HYDIN: variants seen among roughly 807,000 people sequenced by gnomAD.
HYDIN encodes axonemal central pair apparatus protein HYDIN.
HYDIN carries 132 observed loss-of-function variants against 403.9 expected under a neutral mutation model. That is an observed-to-expected ratio of 0.33 (90% CI 0.28 to 0.38). The LOEUF (loss-of-function observed/expected upper bound fraction) is 0.38, where lower values mean the gene tolerates loss of function less well. Ranked by LOEUF, HYDIN falls within the 10% of genes least tolerant of loss-of-function variation. The pLI is 1.00. For missense variants in HYDIN, 2,827 were observed against 5,009.5 expected, an observed-to-expected ratio of 0.56 and a Z score of 13.15; for synonymous variants, 1,202 against 1,891.7, an observed-to-expected ratio of 0.64 and a Z score of 9.46.
At chr16:70,950,759 AC>A (rs1200905217) in intron 41 of HYDIN, among the ~76,000 whole-genome samples, 1 of 151,594 alleles carries the variant, frequency 6.6e-6, no homozygotes, top group African/African-American at 2.4e-5. Flanking sequence ...TCCACCCTTA[AC>A]CCTTCCTGTT....
At chr16:71,176,209 G>A (rs904124875) in intron 4 of HYDIN, among the ~76,000 whole-genome samples, 7 of 150,242 alleles carry the variant, frequency 4.7e-5, no homozygotes, top group Admixed American at 2.0e-4. Context: ...GGAGGCTGAG[G>A]CAGGAGAATC....
At chr16:70,898,702 G>C (rs1238172715) in intron 53 of HYDIN, among the ~76,000 whole-genome samples, 2 of 152,182 alleles carry the variant, frequency 1.3e-5, no homozygotes, top group Non-Finnish European at 2.9e-5. Context: ...AGCATTCAAA[G>C]AGAAGCTGGG....
intron 38 of HYDIN, among the ~76,000 whole-genome samples, chr16:70,961,596 C>T (rs985608522): frequency 2.0e-5 from 3 of 152,180 alleles, no homozygotes; most frequent in African/African-American, 7.2e-5. Flanking sequence ...GAGAAGAGCT[C>T]CCTAATGGCC....
chr16:70,825,106 T>C (rs550608797), intron 83 of HYDIN, among the ~76,000 whole-genome samples: 2 of 152,304 alleles, frequency 1.3e-5, no homozygotes, highest in South Asian at 4.1e-4. Context: ...TTTGCTGTCA[T>C]AAGAGTTTTG....
At chr16:70,976,669 T>C (rs1008758431) in intron 30 of HYDIN, among the ~76,000 whole-genome samples, 7 of 152,048 alleles carry the variant, frequency 4.6e-5, no homozygotes, top group East Asian at 1.9e-4. Flanking sequence ...CCTGTAAATA[T>C]ATTATTTCAA....
chr16:71,201,869 G>A (rs1460595369), intron 1 of HYDIN, among the ~76,000 whole-genome samples: 4 of 152,212 alleles, frequency 2.6e-5, no homozygotes. Flanking sequence ...TCTTGACAAA[G>A]TGAATTCCTT....
chr16:71,058,422 A>C (rs1309134338), intron 18 of HYDIN, among the ~76,000 whole-genome samples: 2 of 116,234 alleles, frequency 1.7e-5, no homozygotes, highest in African/African-American at 6.4e-5. Flanking sequence ...GAAGGGGAAC[A>C]TCACACTCTG....
intron 47 of HYDIN, among the ~76,000 whole-genome samples, chr16:70,912,965 T>A (rs2076735479): frequency 6.6e-6 from 1 of 151,126 alleles, no homozygotes; most frequent in Admixed American, 6.6e-5. Context: ...TTCTGTGGTG[T>A]CAGTTGTAAT....
In HYDIN at chr16:71,075,561, A is replaced by G. The variant is rs574714234; in HGVS notation, c.1738+4324T>C. Among the ~76,000 whole-genome samples the G allele has an allele frequency of 3.9e-5, 6 of 152,272 alleles. No individual in the cohort carries two copies. The East Asian group carries it at 1.2e-3, about 29-fold the overall frequency. On this transcript the variant is annotated intron_variant, in intron 13 of 85. Transcript: ENST00000393567. The stretch of plus-strand genomic sequence containing the variant: ...ATCAATGTCATTGTTTTGAGGATGA[A>G]TAAGAGCCTTTAAATTGACACACAG...
chr16:70,940,106 CCACT>C (rs1006259836), intron 43 of HYDIN, among the ~76,000 whole-genome samples: 28 of 149,956 alleles, frequency 1.9e-4, no homozygotes, highest in African/African-American at 5.9e-4. Flanking sequence ...CATATACCAC[CCACT>C]GACTTGACTC....
intron 83 of HYDIN, among the ~76,000 whole-genome samples, chr16:70,825,056 G>A (rs1416519195): frequency 6.6e-6 from 1 of 151,784 alleles, no homozygotes; most frequent in Non-Finnish European, 1.5e-5. Flanking sequence ...CACTGTGCCT[G>A]GCCCTGGGTC....
chr16:71,068,996 G>T (rs1478327818), intron 14 of HYDIN, among the ~76,000 whole-genome samples: 2 of 151,594 alleles, frequency 1.3e-5, no homozygotes, highest in Non-Finnish European at 2.9e-5. Context: ...TGTCTGGATA[G>T]CAGTGGCTTC....
At chr16:70,931,729 A>C (rs183618443) in intron 45 of HYDIN, among the ~76,000 whole-genome samples, 11 of 152,256 alleles carry the variant, frequency 7.2e-5, no homozygotes, top group African/African-American at 2.2e-4. Context: ...GAAAGGCAAA[A>C]ACAGGCTGGG....
At chr16:71,124,422 T>C (rs2084372703) in intron 9 of HYDIN, among the ~76,000 whole-genome samples, 1 of 152,144 alleles carries the variant, frequency 6.6e-6, no homozygotes, top group African/African-American at 2.4e-5. Flanking sequence ...CTTGGCAACT[T>C]AGGGACAGGG....
chr16:71,127,906 T>C (rs1244965191), intron 9 of HYDIN, among the ~76,000 whole-genome samples: 3 of 151,652 alleles, frequency 2.0e-5, no homozygotes, highest in African/African-American at 4.9e-5. Flanking sequence ...ACCCATTATA[T>C]TTGGAGATCC....
At chr16:71,149,693 A>AT (rs1186214708) in intron 7 of HYDIN, among the ~76,000 whole-genome samples, 1 of 151,730 alleles carries the variant, frequency 6.6e-6, no homozygotes, top group Non-Finnish European at 1.5e-5. Context: ...TGCCTGCCTA[A>AT]TTTTTTTGTA....
At chr16:70,951,095 C>G (rs547067332) in intron 41 of HYDIN, among the ~76,000 whole-genome samples, 1 of 152,146 alleles carries the variant, frequency 6.6e-6, no homozygotes, top group South Asian at 2.1e-4. Flanking sequence ...ATTAGCCAGG[C>G]ATGGTGGGAC....
intron 20 of HYDIN, among the ~76,000 whole-genome samples, chr16:71,026,224 CA>C (rs1368989691): frequency 3.3e-5 from 5 of 152,280 alleles, no homozygotes; most frequent in African/African-American, 1.2e-4. Context: ...TATACTTAAA[CA>C]TTTAAAAATC....
At chr16:70,906,966 G>C (rs1282277968) in intron 50 of HYDIN, among the ~76,000 whole-genome samples, 1 of 152,200 alleles carries the variant, frequency 6.6e-6, no homozygotes, top group Admixed American at 6.5e-5. Flanking sequence ...TACCTGTACA[G>C]TCCTCTCTCA....
Sources: allele counts gnomAD v4.1 joint callset (sites outside exome capture counted in the v4.1 genomes callset), GRCh38; gene constraint gnomAD v4.1.1; transcripts MANE v1.5; gene names NCBI Gene and HGNC (gene_info 2026-07-23, HGNC 2026-07-21).